Variants in SPEG observed in about 807,000 individuals in gnomAD.
SPEG encodes the protein striated muscle preferentially expressed protein kinase.
In SPEG, 114 loss-of-function variants were observed where a neutral mutation model predicts 300.4. The ratio of observed to expected loss-of-function variants is 0.38; its 90% CI spans 0.33 to 0.44. The LOEUF (loss-of-function observed/expected upper bound fraction) is 0.44. Ranked by LOEUF, SPEG falls within the 20% of genes least tolerant of loss-of-function variation. SPEG has a pLI of 1.00. For synonymous variants in SPEG, 1,964 were observed against 2,018.9 expected (o/e 0.97, Z 0.73); for missense variants, 4,201 against 4,586.2 (o/e 0.92, Z 2.43).
chr2:219,491,476 C>T (rs1206902120), intron 38 of SPEG, among the ~76,000 whole-genome samples: 1 of 152,166 alleles, frequency 6.6e-6, no homozygotes, highest in Non-Finnish European at 1.5e-5. Flanking sequence ...ATCTTGGTGT[C>T]AGCCACACTC....
intron 6 of SPEG, 49 bp from the exon 7 acceptor site, chr2:219,461,833 G>A: frequency 6.3e-7 from 1 of 1,580,782 alleles, no homozygotes; most frequent in Non-Finnish European, 8.7e-7. Context: ...AGCTCTCCCA[G>A]GCTCTCTGCT....
chr2:219,454,765 G>A (rs1326454963), intron 6 of SPEG, among the ~76,000 whole-genome samples: 3 of 152,228 alleles, frequency 2.0e-5, no homozygotes, highest in Admixed American at 1.3e-4. Flanking sequence ...AACTGCCCAT[G>A]AAGCAAATAA....
intron 28 of SPEG, chr2:219,482,267 C>A (rs1192117186): frequency 5.8e-6 from 1 of 171,332 alleles, no homozygotes; most frequent in African/African-American, 2.4e-5. Context: ...AGGCTGAGGT[C>A]ATTCGGGTAT....
rs200796349 is a variant in SPEG, at chr2:219,490,413, C to T, written c.8926C>T (p.Arg2976Cys). The T allele has an allele frequency of 5.7e-5, 92 of 1,609,098 alleles. No homozygotes were observed. Among genetic ancestry groups the T allele is most frequent in the African/African-American group, 4.1e-4 (31 of 74,870 alleles). Residue 2976 changes from arginine to cysteine, a missense_variant, in exon 37 of 41, where the codon CGC becomes TGC. Physicochemically the swap from Arg to Cys is radical, Grantham distance 180. Around this residue, in one of 4 missense-constraint regions of SPEG, gnomAD observed 318 missense variants for 429.5 expected, o/e 0.74. Transcript: ENST00000312358. ...GTCCCTCCCCCCGACACACAGGGGC[C>T]GCTTTGGTGTTGTGCGAGCGTGCCG... ...YTFLEEKARG[R>C]FGVVRACREN... is the part of the protein sequence containing the mutation.
Position 219,477,549 on chromosome 2 carries a change from A to G in SPEG, c.4729+104A>G. The G allele has an allele frequency of 7.1e-7, 1 of 1,401,746 alleles. No individual in the cohort carries two copies. Among genetic ancestry groups the G allele is most frequent in the Non-Finnish European group, 9.6e-7 (1 of 1,041,338 alleles). 86.8% of individuals were successfully genotyped at this position (1,401,746 alleles called of 1,614,324 possible). ...CAGCCAGCCCTGGACTCGAGCCACCACACCCCCAGCCCAGCACCCCGCCTT... is the reference window on the plus strand; with the variant it reads ...CAGCCAGCCCTGGACTCGAGCCACCGCACCCCCAGCCCAGCACCCCGCCTT... On this transcript the variant is annotated intron_variant, in intron 20 of 40. Transcript: ENST00000312358. This position sits in a 1 kb window ranked among gnomAD's most constrained non-coding sequence, Gnocchi z 6.4.
chr2:219,455,837 G>C (rs1341227223), intron 6 of SPEG, among the ~76,000 whole-genome samples: 2 of 152,090 alleles, frequency 1.3e-5, no homozygotes, highest in East Asian at 3.9e-4. Flanking sequence ...CTTCCCCACC[G>C]TGCGCCCCGA....
chr2:219,483,227 T>A lies in SPEG; in HGVS notation c.5764T>A (p.Ser1922Thr). Reference protein sequence around the residue: ...PPPSGGLSSSSDSEEEELEEL... With the variant: ...PPPSGGLSSSTDSEEEELEEL... The stretch of plus-strand genomic sequence containing the variant: ...CCCCAGTGGGGGGCTCTCATCCTCC[T>A]CGGATTCTGAAGAGGAAGAGCTGGA... Residue 1922 changes from serine to threonine, a missense_variant, in exon 30 of 41, where the codon TCG becomes ACG. Coordinates refer to ENST00000312358, the MANE Select transcript of SPEG (RefSeq NM_005876.5). The A allele has an allele frequency of 6.2e-7, 1 of 1,610,482 alleles. No individual in the cohort carries two copies. Among genetic ancestry groups the A allele is most frequent in the South Asian group, 1.1e-5 (1 of 90,640 alleles).
chr2:219,449,111 T>A lies in SPEG; in HGVS notation c.1953T>A (p.Ala651=). The A allele has an allele frequency of 5.4e-6, 8 of 1,478,300 alleles. No individual in the cohort carries two copies. The highest frequency in any genetic ancestry group is 7.2e-6 in the Non-Finnish European group (8 of 1,116,856). The allele number at this position is 1,478,300 out of a possible 1,614,324, so 91.6% of individuals were successfully genotyped here. A position where few individuals can be genotyped will look rare whatever the true frequency, so the allele number is the denominator to read the frequency against. ...GGGCCACGCCGGGCCTGGAGGGCGC[T>A]GCTGTACCCCAGACCTTGGAGAAGA... The part of the protein sequence containing the change: ...LPWATPGLEG[A]AVPQTLEKNR... Residue 651 remains alanine, a synonymous_variant, in exon 4 of 41, where the codon GCT becomes GCA. Coordinates refer to ENST00000312358, the MANE Select transcript of SPEG (RefSeq NM_005876.5).
chr2:219,456,391 GACA>G (rs1434517599), intron 6 of SPEG, among the ~76,000 whole-genome samples: 1 of 152,190 alleles, frequency 6.6e-6, no homozygotes, highest in Non-Finnish European at 1.5e-5. Context: ...TGGGGGTTTG[GACA>G]ACACCAGACA....
chr2:219,449,025 A>T lies in SPEG; in HGVS notation c.1867A>T (p.Thr623Ser). ...CGCCGCCGATCCCCCAGAGGCCAGGACGAAAGCACCCCCCGGTCGGAAGCG... is the reference window on the plus strand; with the variant it reads ...CGCCGCCGATCCCCCAGAGGCCAGGTCGAAAGCACCCCCCGGTCGGAAGCG... ...PPAADPPEAR[T>S]KAPPGRKREP... Residue 623 changes from threonine to serine, a missense_variant, in exon 4 of 41, where the codon ACG becomes TCG. Transcript: ENST00000312358. The T allele has an allele frequency of 6.6e-7, 1 of 1,520,566 alleles. No homozygotes were observed. The highest frequency in any genetic ancestry group is 8.8e-7 in the Non-Finnish European group (1 of 1,134,414). 94.2% of individuals were successfully genotyped at this position (1,520,566 alleles called of 1,614,324 possible). A position where few individuals can be genotyped will look rare whatever the true frequency, so the allele number is the denominator to read the frequency against.
chr2:219,492,489 G>A (rs1694063542), intron 40 of SPEG, 105 bp from the exon 41 acceptor site: 2 of 1,275,016 alleles, frequency 1.6e-6, no homozygotes, highest in African/African-American at 1.5e-5. Context: ...GATCACACAT[G>A]TAGGGGTGGG....
chr2:219,471,495 G>C (rs1024925037), intron 13 of SPEG, among the ~76,000 whole-genome samples: 1 of 152,112 alleles, frequency 6.6e-6, no homozygotes, highest in Non-Finnish European at 1.5e-5. Context: ...AGCTTTGTTC[G>C]AGTTTTGACA....
Position 219,448,759 on chromosome 2 carries a change from C to T in SPEG, c.1601C>T (p.Pro534Leu), listed in dbSNP as rs542001252. ...APSPREPGEP[P>L]LFSRPSTPKT... ...TCCCCTCGAGAGCCCGGCGAGCCCC[C>T]GCTCTTCTCTCGGCCCTCCACCCCC... The change falls in exon 4 of 41, where the codon CCG (proline) becomes CTG (leucine). Residue 534 changes from proline to leucine, a missense_variant. Pro to Leu is a moderately conservative substitution (Grantham distance 98). This residue lies in a region of SPEG where 1,258 missense variants were observed against 1,293.9 expected (regional missense o/e 0.97). Coordinates refer to ENST00000312358, the MANE Select transcript of SPEG (RefSeq NM_005876.5). The T allele has an allele frequency of 8.2e-6, 12 of 1,462,916 alleles. No homozygotes were observed. In the Admixed American group the frequency reaches 9.7e-5, roughly 12 times the overall value. 90.6% of individuals were successfully genotyped at this position (1,462,916 alleles called of 1,614,324 possible).
intron 18 of SPEG, among the ~76,000 whole-genome samples, chr2:219,476,365 C>A (rs1243710452): frequency 1.6e-4 from 24 of 152,194 alleles, no homozygotes; most frequent in Admixed American, 1.6e-3. Context: ...GGGTCACAGG[C>A]TGAGCCACCT....
chr2:219,479,680 C>A lies in SPEG; in HGVS notation c.5086-103C>A. 9.6e-7 allele frequency: 1 copy of A among 1,045,926 alleles called. No homozygotes were observed. Among genetic ancestry groups the A allele is most frequent in the African/African-American group, 1.6e-5 (1 of 64,212 alleles). The allele number at this position is 1,045,926 out of a possible 1,614,324, so 64.8% of individuals were successfully genotyped here. On this transcript the variant is annotated intron_variant, in intron 23 of 40. Coordinates refer to ENST00000312358, the MANE Select transcript of SPEG (RefSeq NM_005876.5). This position sits in a 1 kb window ranked among gnomAD's most constrained non-coding sequence, Gnocchi z 5.5. ...TGTTTCAGCCCCTTCCACGAGCCAT[C>A]TGAAGGCTACTCCACAGGCACAGCC...
intron 10 of SPEG, 126 bp from the exon 11 acceptor site, chr2:219,468,452 C>A: frequency 9.2e-7 from 1 of 1,091,324 alleles, no homozygotes; most frequent in Non-Finnish European, 1.3e-6. Context: ...CCCCTGAGTA[C>A]CCAGAGCCTT....
intron 15 of SPEG, 66 bp downstream of exon 15, chr2:219,472,397 C>A: frequency 7.1e-7 from 1 of 1,399,118 alleles, no homozygotes; most frequent in Non-Finnish European, 1.0e-6. Flanking sequence ...TCAGGCAGGA[C>A]ACCATGGGGG....
chr2:219,457,568 A>G (rs1559379433), intron 6 of SPEG, among the ~76,000 whole-genome samples: 1 of 152,224 alleles, frequency 6.6e-6, no homozygotes, highest in Non-Finnish European at 1.5e-5. Context: ...TGGATGACAG[A>G]CTGAGACTGT....
intron 8 of SPEG, among the ~76,000 whole-genome samples, chr2:219,462,955 G>A (rs149037079): frequency 4.7e-4 from 71 of 152,222 alleles, no homozygotes; most frequent in African/African-American, 1.6e-3. Context: ...TTAGCAAGGA[G>A]CAAGACATTT....
Sources: allele counts gnomAD v4.1 joint callset (sites outside exome capture counted in the v4.1 genomes callset), GRCh38; gene constraint gnomAD v4.1.1; regional missense constraint gnomAD v4.1.1; non-coding constraint Gnocchi (gnomAD v3.1); transcripts MANE v1.5; gene names NCBI Gene and HGNC (gene_info 2026-07-23, HGNC 2026-07-21).